Variants in OTUD7A observed in about 807,000 individuals in gnomAD.
The protein encoded by OTUD7A is OTU deubiquitinase 7A, also known as OTU domain-containing protein 7A.
A neutral mutation model predicts 65.7 loss-of-function variants in OTUD7A; 12 were observed. That is an observed-to-expected ratio of 0.18 (90% CI 0.12 to 0.30). OTUD7A has a LOEUF of 0.30. Ranked by LOEUF, OTUD7A falls within the 10% of genes least tolerant of loss-of-function variation. OTUD7A has a pLI of 1.00. For synonymous variants in OTUD7A, 641 were observed against 586.3 expected (o/e 1.09, Z -1.35); for missense variants, 1,148 against 1,304.8 (o/e 0.88, Z 1.85).
intron 1 of OTUD7A, among the ~76,000 whole-genome samples, chr15:31,740,941 A>G (rs1397742243): frequency 6.6e-6 from 1 of 152,258 alleles, no homozygotes; most frequent in Non-Finnish European, 1.5e-5. Context: ...TGCTAGTGAT[A>G]AAAAGAATTA....
chr15:31,766,944 G>A (rs189428896), intron 1 of OTUD7A: 1 of 1,611,728 alleles, frequency 6.2e-7, no homozygotes, highest in Admixed American at 1.7e-5. Context: ...TGCTGTTAGA[G>A]GATAGATCAC....
chr15:31,797,776 T>C (rs1896010141), intron 1 of OTUD7A, among the ~76,000 whole-genome samples: 2 of 152,250 alleles, frequency 1.3e-5, no homozygotes, highest in Non-Finnish European at 2.9e-5. Context: ...GAGTGGTCCC[T>C]GTGTGTGCTG....
chr15:31,724,227 T>C (rs565988641), intron 1 of OTUD7A, among the ~76,000 whole-genome samples: 2 of 152,354 alleles, frequency 1.3e-5, no homozygotes, highest in African/African-American at 4.8e-5. Context: ...CCTACAGAAG[T>C]TGAAAATTTA....
At chr15:31,647,554 A>G (rs1483367677) in intron 3 of OTUD7A, among the ~76,000 whole-genome samples, 6 of 151,896 alleles carry the variant, frequency 4.0e-5, no homozygotes, top group Admixed American at 1.3e-4. Context: ...CTCAGATCCT[A>G]TTTTTTTTAA....
chr15:31,669,362 A>G (rs4041945), intron 1 of OTUD7A, among the ~76,000 whole-genome samples: 53,241 of 151,898 alleles, frequency 0.35, 12,115 homozygotes, highest in African/African-American at 0.65. Flanking sequence ...TCCCAGGTCA[A>G]TGGAGTTGTG....
chr15:31,501,565 G>C, intron 10 of OTUD7A, 125 bp downstream of exon 10: 1 of 1,203,902 alleles, frequency 8.3e-7, no homozygotes, highest in Non-Finnish European at 1.2e-6. Flanking sequence ...TCACTGCTGA[G>C]TGTGCACAGG....
At chr15:31,515,906 C>G (rs2041845006) in intron 8 of OTUD7A, among the ~76,000 whole-genome samples, 1 of 151,638 alleles carries the variant, frequency 6.6e-6, no homozygotes, top group South Asian at 2.1e-4. Flanking sequence ...ACCCATCCAC[C>G]TGTCCATCCA....
At chr15:31,726,867 T>A (rs1045098467) in intron 1 of OTUD7A, among the ~76,000 whole-genome samples, 9 of 152,212 alleles carry the variant, frequency 5.9e-5, no homozygotes, top group Non-Finnish European at 1.3e-4. Flanking sequence ...GAAAATCCAC[T>A]TGAATTAGCG....
At chr15:31,614,277 C>T (rs957165354) in intron 3 of OTUD7A, among the ~76,000 whole-genome samples, 3 of 151,582 alleles carry the variant, frequency 2.0e-5, no homozygotes, top group South Asian at 4.2e-4. Context: ...CGAACACGAC[C>T]TGCACCCCAA....
intron 1 of OTUD7A, among the ~76,000 whole-genome samples, chr15:31,722,429 G>A (rs1323841229): frequency 1.3e-5 from 2 of 152,232 alleles, no homozygotes; most frequent in East Asian, 1.9e-4. Context: ...ACAGACATGG[G>A]TGCCCACCGA....
intron 1 of OTUD7A, among the ~76,000 whole-genome samples, chr15:31,721,662 C>G (rs1328033773): frequency 6.6e-6 from 1 of 151,878 alleles, no homozygotes; most frequent in African/African-American, 2.4e-5. Context: ...TAATAGAAAA[C>G]AATGTAATCA....
At chr15:31,630,347 G>A (rs1227922530) in intron 3 of OTUD7A, among the ~76,000 whole-genome samples, 3 of 151,670 alleles carry the variant, frequency 2.0e-5, no homozygotes, top group Non-Finnish European at 4.4e-5. Context: ...ATTTCGTGAT[G>A]TACCCAGTAG....
intron 1 of OTUD7A, among the ~76,000 whole-genome samples, chr15:31,722,489 T>C (rs1893767485): frequency 6.6e-6 from 1 of 152,240 alleles, no homozygotes; most frequent in African/African-American, 2.4e-5. Flanking sequence ...AACACACTCC[T>C]GAATGCACTG....
At chr15:31,855,674 A>G (rs916790680) in intron 1 of OTUD7A, among the ~76,000 whole-genome samples, 6 of 152,216 alleles carry the variant, frequency 3.9e-5, no homozygotes, top group Admixed American at 2.6e-4. Flanking sequence ...GTAAAAAGTT[A>G]TAGGGTGAGT....
At chr15:31,515,048 T>A (rs1462007748) in intron 8 of OTUD7A, among the ~76,000 whole-genome samples, 1 of 152,066 alleles carries the variant, frequency 6.6e-6, no homozygotes, top group Non-Finnish European at 1.5e-5. Flanking sequence ...ATGCGTTGAG[T>A]GCCGGCGAGT....
chr15:31,656,167 A>G (rs1380258674), intron 2 of OTUD7A, among the ~76,000 whole-genome samples: 4 of 152,206 alleles, frequency 2.6e-5, no homozygotes, highest in Non-Finnish European at 2.9e-5. Flanking sequence ...ATGGATGTAC[A>G]GCAGCTTGAC....
In OTUD7A at chr15:31,570,157, C is replaced by A. The variant is rs376250531; in HGVS notation, c.192G>T (p.Glu64Asp). 6.2e-7 allele frequency: 1 copy of A among 1,614,188 alleles called. No homozygotes were observed. The highest frequency in any genetic ancestry group is 8.5e-7 in the Non-Finnish European group (1 of 1,180,032). The change falls in exon 4 of 13, where the codon GAG becomes GAT. Residue 64 changes from glutamate (E) to aspartate (D), a missense_variant. Glu to Asp is a conservative substitution (Grantham distance 45). Transcript: ENST00000307050. ...TGGCTGTGTGCACCTGGCGGAGCTGCTCATAGTCGCTCAGAGCGGCTGTCA... is the reference window on the plus strand; with the variant it reads ...TGGCTGTGTGCACCTGGCGGAGCTGATCATAGTCGCTCAGAGCGGCTGTCA... ...WDLTAALSDY[E>D]QLRQVHTANL...
chr15:31,641,813 T>A, intron 3 of OTUD7A, among the ~76,000 whole-genome samples: 1 of 152,230 alleles, frequency 6.6e-6, no homozygotes. Context: ...AAAATGCTTT[T>A]AAATTCCATT....
At chr15:31,853,993 T>A (rs28532679) in intron 1 of OTUD7A, among the ~76,000 whole-genome samples, 3,522 of 152,316 alleles carry the variant, frequency 0.023, 67 homozygotes, top group Non-Finnish European at 0.038. Flanking sequence ...ATATTTCCCA[T>A]TTTTTCTATT....
Sources: allele counts gnomAD v4.1 joint callset (sites outside exome capture counted in the v4.1 genomes callset), GRCh38; gene constraint gnomAD v4.1.1; transcripts MANE v1.5; gene names NCBI Gene and HGNC (gene_info 2026-07-23, HGNC 2026-07-21).